The following DNAJC15 variants were observed in gnomAD, a reference collection of about 807,000 sequenced individuals.
The protein encoded by DNAJC15 is DnaJ heat shock protein family (Hsp40) member C15.
DNAJC15 carries 27 observed loss-of-function variants against 22.4 expected under a neutral mutation model. The ratio of observed to expected loss-of-function variants is 1.20; its 90% CI spans 0.89 to 1.66. DNAJC15 has a LOEUF of 1.66. Ranked by LOEUF, DNAJC15 falls within the 40% of genes most tolerant of loss-of-function variation. The probability of loss-of-function intolerance (pLI) is 0.00; values close to 1 mark genes in which losing one functional copy is unlikely to be tolerated. For synonymous variants in DNAJC15, 79 were observed against 63.2 expected, an observed-to-expected ratio of 1.25 and a Z score of -1.19; for missense variants, 208 against 187.1, an observed-to-expected ratio of 1.11 and a Z score of -0.65.
At chr13:43,037,249 A>G (rs1198193604) in intron 1 of DNAJC15, among the ~76,000 whole-genome samples, 1 of 152,234 alleles carries the variant, frequency 6.6e-6, no homozygotes, top group Non-Finnish European at 1.5e-5. Context: ...GCAAGAAGAA[A>G]TAAGCAAAAC....
rs1047168757 is a variant in DNAJC15, at chr13:43,051,649, GTGTGTGTGTGTGTA to G, written c.109-14035_109-14022del. On this transcript the variant is annotated intron_variant, in intron 1 of 5. Coordinates refer to ENST00000379221, the MANE Select transcript of DNAJC15 (RefSeq NM_013238.3). The stretch of plus-strand genomic sequence containing the variant: ...AGTACTTCATGGTGTGTGTGTGTGT[GTGTGTGTGTGTGTA>G]TATATATCACATTTTCTTTATCCGC... Among the ~76,000 whole-genome samples, 30 of 134,942 alleles carry G rather than the reference GTGTGTGTGTGTGTA, an allele frequency of 2.2e-4. 1 individual carries two copies. In the East Asian group the frequency reaches 6.7e-3, roughly 30 times the overall value. The allele number at this position is 134,942 out of a possible 152,430, so 88.5% of individuals were successfully genotyped here. A position where few individuals can be genotyped will look rare whatever the true frequency, so the allele number is the denominator to read the frequency against.
chr13:43,050,594 G>A (rs772634076), intron 1 of DNAJC15, among the ~76,000 whole-genome samples: 40 of 151,908 alleles, frequency 2.6e-4, no homozygotes, highest in Admixed American at 1.2e-3. Context: ...AAATATGATT[G>A]TATAGGATAC....
At chr13:43,045,050 T>C (rs1032194227) in intron 1 of DNAJC15, among the ~76,000 whole-genome samples, 26 of 152,132 alleles carry the variant, frequency 1.7e-4, no homozygotes, top group African/African-American at 5.8e-4. Flanking sequence ...ATGTTGACCA[T>C]ATAAGGCCCA....
chr13:43,035,389 T>C (rs2040424545), intron 1 of DNAJC15, among the ~76,000 whole-genome samples: 1 of 152,200 alleles, frequency 6.6e-6, no homozygotes, highest in South Asian at 2.1e-4. Flanking sequence ...GCATATTCAT[T>C]CCTCTAAAGG....
intron 1 of DNAJC15, among the ~76,000 whole-genome samples, chr13:43,056,813 G>A (rs1425657769): frequency 6.6e-6 from 1 of 152,092 alleles, no homozygotes; most frequent in African/African-American, 2.4e-5. Context: ...TGTTTTGTCT[G>A]TTGTAAGAAC....
chr13:43,069,056 G>A (rs1287507965), intron 3 of DNAJC15, 53 bp downstream of exon 3: 4 of 1,524,354 alleles, frequency 2.6e-6, no homozygotes, highest in Non-Finnish European at 3.6e-6. Flanking sequence ...TTGTTCATAT[G>A]ACATATTTCA....
chr13:43,074,447 C>T (rs1040709125), intron 3 of DNAJC15, among the ~76,000 whole-genome samples: 4 of 152,140 alleles, frequency 2.6e-5, no homozygotes, highest in Non-Finnish European at 5.9e-5. Flanking sequence ...ACCATTTACT[C>T]CATCTATTTG....
Position 43,023,648 on chromosome 13 carries a change from G to T in DNAJC15, c.22G>T (p.Ala8Ser). 1 of 1,611,990 alleles carries T rather than the reference G, an allele frequency of 6.2e-7. No individual in the cohort carries two copies. The highest frequency in any genetic ancestry group is 1.3e-5 in the African/African-American group (1 of 74,986). ...TGCCATGGCTGCCCGTGGTGTCATC[G>T]CTCCAGTTGGCGAGAGTTTGCGCTA... is the stretch of plus-strand genomic sequence containing the variant. MAARGVI[A>S]PVGESLRYAE... Residue 8 changes from alanine (A) to serine (S), a missense_variant, in exon 1 of 6, where the codon GCT becomes TCT. Coordinates refer to ENST00000379221, the MANE Select transcript of DNAJC15 (RefSeq NM_013238.3).
At chr13:43,048,197 A>T (rs1204482237) in intron 1 of DNAJC15, among the ~76,000 whole-genome samples, 3 of 152,234 alleles carry the variant, frequency 2.0e-5, no homozygotes, top group African/African-American at 7.2e-5. Context: ...TTAAAAACTT[A>T]GGCCGGGTGC....
At chr13:43,083,447 G>A (rs549648958) in intron 4 of DNAJC15, among the ~76,000 whole-genome samples, 5 of 152,286 alleles carry the variant, frequency 3.3e-5, no homozygotes, top group South Asian at 2.1e-4. Flanking sequence ...GATTACAGGC[G>A]TGAGCTACTG....
intron 1 of DNAJC15, among the ~76,000 whole-genome samples, chr13:43,059,199 C>T (rs1012382503): frequency 6.6e-5 from 10 of 151,986 alleles, no homozygotes; most frequent in Non-Finnish European, 1.0e-4. Context: ...GTTTTTCCTT[C>T]TGTAAAATAA....
intron 1 of DNAJC15, among the ~76,000 whole-genome samples, chr13:43,064,525 A>G (rs1267368184): frequency 2.0e-5 from 3 of 152,128 alleles, no homozygotes; most frequent in African/African-American, 7.2e-5. Context: ...CTCTCCCACC[A>G]TTTATCAGAC....
At chr13:43,027,591 A>G (rs1593306789) in intron 1 of DNAJC15, among the ~76,000 whole-genome samples, 2 of 152,332 alleles carry the variant, frequency 1.3e-5, no homozygotes, top group Non-Finnish European at 1.5e-5. Flanking sequence ...GATTTAAAAC[A>G]TGTTTTAACA....
intron 1 of DNAJC15, among the ~76,000 whole-genome samples, chr13:43,046,551 T>C (rs759085097): frequency 1.7e-4 from 26 of 151,874 alleles, no homozygotes; most frequent in Non-Finnish European, 3.2e-4. Flanking sequence ...AAATACAAAT[T>C]AAGCTAAAAG....
Position 43,110,044 on chromosome 13 carries a change from CATTT to C in DNAJC15, c.*2801_*2804del, listed in dbSNP as rs1290578127. The C allele has an allele frequency of 6.6e-6, 1 of 152,102 alleles. No individual in the cohort carries two copies. Among genetic ancestry groups the C allele is most frequent in the Non-Finnish European group, 1.5e-5 (1 of 68,022 alleles). 9.4% of individuals were successfully genotyped at this position (152,102 alleles called of 1,614,324 possible). A position where few individuals can be genotyped will look rare whatever the true frequency, so the allele number is the denominator to read the frequency against. ...AAAGTTTCAGTTATGTCCCAGTAATCATTTATTTTACCCTCGAATCTGCAATTTG... is the reference window on the plus strand; with the variant it reads ...AAAGTTTCAGTTATGTCCCAGTAATCATTTTACCCTCGAATCTGCAATTTG... On this transcript the variant is annotated 3_prime_UTR_variant, in exon 6 of 6. Transcript: ENST00000379221.
intron 5 of DNAJC15, among the ~76,000 whole-genome samples, chr13:43,090,057 T>C (rs537954445): frequency 4.6e-5 from 7 of 152,194 alleles, no homozygotes; most frequent in South Asian, 2.1e-4. Flanking sequence ...TTATAACCTG[T>C]TAAAAGAAAA....
chr13:43,098,209 A>G (rs1022182372), intron 5 of DNAJC15, among the ~76,000 whole-genome samples: 1 of 152,186 alleles, frequency 6.6e-6, no homozygotes, highest in Non-Finnish European at 1.5e-5. Context: ...AGCAGTGAAA[A>G]TTTGACCCCT....
chr13:43,084,564 C>CT (rs1267955685), intron 4 of DNAJC15, among the ~76,000 whole-genome samples: 1 of 152,152 alleles, frequency 6.6e-6, no homozygotes, highest in Non-Finnish European at 1.5e-5. Flanking sequence ...TTACACTGTG[C>CT]TTTAAGTCAA....
chr13:43,039,332 A>G (rs1017361840), intron 1 of DNAJC15, among the ~76,000 whole-genome samples: 11 of 152,246 alleles, frequency 7.2e-5, no homozygotes, highest in Non-Finnish European at 1.5e-4. Flanking sequence ...ACATTCGTGG[A>G]AACTATTGAA....
Sources: gnomAD v4.1 joint callset for allele counts (sites outside exome capture counted in the v4.1 genomes callset) on GRCh38, gnomAD v4.1.1 for gene constraint, MANE v1.5 for transcripts, NCBI Gene and HGNC (gene_info 2026-07-23, HGNC 2026-07-21) for gene names.